The following PGM2 variants were observed in gnomAD, a reference collection of about 807,000 sequenced individuals.
PGM2 encodes the protein phosphopentomutase.
Under a neutral mutation model 74.6 loss-of-function variants are expected in PGM2, and 57 were observed. The observed-to-expected ratio is 0.76, with a 90% confidence interval of 0.62 to 0.95. The LOEUF is 0.95. PGM2 is among the 40% of genes least tolerant of loss of function. The probability of loss-of-function intolerance (pLI) is 0.00; values close to 1 mark genes in which losing one functional copy is unlikely to be tolerated. For synonymous variants in PGM2, 273 were observed against 260.7 expected (o/e 1.05, Z -0.46); for missense variants, 706 against 741.9 (o/e 0.95, Z 0.56).
At position 37,834,046 on chromosome 4, in the gene PGM2, G is replaced by C. The variant is rs150171585; in HGVS notation, c.250-572G>C. 6.3e-3 allele frequency among the ~76,000 whole-genome samples: 966 copies of C among 152,218 alleles called. 12 individuals carry two copies. Among genetic ancestry groups the C allele is most frequent in the African/African-American group, 0.022 (917 of 41,548 alleles). On this transcript the variant is annotated intron_variant, in intron 2 of 13. Transcript: ENST00000381967. ...CTTATTTTACCCATCTATAAAATGG[G>C]TTTTCTGGTCAGGTGCAGTGGCCCA... is the stretch of plus-strand genomic sequence containing the variant.
At chr4:37,834,253 T>C (rs779648650) in intron 2 of PGM2, among the ~76,000 whole-genome samples, 13 of 151,968 alleles carry the variant, frequency 8.6e-5, no homozygotes, top group Non-Finnish European at 1.6e-4. Flanking sequence ...GGGGGATTGC[T>C]TAAACCCAGG....
At chr4:37,830,598 T>C (rs1725414086) in intron 2 of PGM2, among the ~76,000 whole-genome samples, 1 of 152,226 alleles carries the variant, frequency 6.6e-6, no homozygotes, top group Admixed American at 6.5e-5. Context: ...TTTGTGAATA[T>C]TTTTGTCAGA....
At chr4:37,861,350 G>C (rs967177477) in intron 13 of PGM2, among the ~76,000 whole-genome samples, 160 bp from the exon 14 acceptor site, 3 of 152,136 alleles carry the variant, frequency 2.0e-5, no homozygotes, top group African/African-American at 7.2e-5. Flanking sequence ...TAAGTCAATA[G>C]ATGTGTTCCA....
At position 37,848,522 on chromosome 4, in the gene PGM2, G is replaced by A. The variant is rs572454326; in HGVS notation, c.1283G>A (p.Gly428Glu). Residue 428 changes from glycine to glutamate, a missense_variant and splice_region_variant, in exon 11 of 14, where the codon GGA (glycine) becomes GAA (glutamate). This residue lies in a region of PGM2 where 359 missense variants were observed against 371.1 expected (regional missense o/e 0.97). Transcript: ENST00000381967. Reference protein sequence around the residue: ...TVLFAFEEAIGYMCCPFVLDK... With the variant: ...TVLFAFEEAIEYMCCPFVLDK... ...GTATGTATGACGTGTGTTTCTGCAG[G>A]ATACATGTGCTGCCCTTTTGTTCTG... 1.9e-6 allele frequency: 3 copies of A among 1,612,668 alleles called. No homozygotes were observed. Among genetic ancestry groups the A allele is most frequent in the Middle Eastern group, 1.7e-4 (1 of 6,052 alleles).
At position 37,855,705 on chromosome 4, in the gene PGM2, A is replaced by G. The variant is rs764042040; in HGVS notation, c.1700A>G (p.Lys567Arg). ...MRTSGTEPKI[K>R]YYAELCAPPG... ...ACCAGTGGGACAGAGCCCAAAATCA[A>G]GTACTATGCAGAGCTGTGTGCCCCA... The change falls in exon 13 of 14, where the codon AAG becomes AGG. Residue 567 changes from lysine to arginine, a missense_variant. By Grantham distance (26) the Lys-to-Arg change is conservative. Coordinates refer to ENST00000381967, the MANE Select transcript of PGM2 (RefSeq NM_018290.4). 7 of 1,614,102 alleles carry G rather than the reference A, an allele frequency of 4.3e-6. No homozygotes were observed. The highest frequency in any genetic ancestry group is 5.9e-6 in the Non-Finnish European group (7 of 1,179,992).
chr4:37,855,534 A>C, intron 12 of PGM2, 74 bp from the exon 13 acceptor site: 1 of 1,312,118 alleles, frequency 7.6e-7, no homozygotes, highest in Non-Finnish European at 1.0e-6. Flanking sequence ...TTATTTTCTT[A>C]CTTATGCAAG....
In PGM2 at chr4:37,861,619, C is replaced by T. The variant is rs767603499; in HGVS notation, c.*7C>T. Reference sequence around the variant, plus strand: ...GCAGCCAAAAGCAGACTAAAATAGTCCAGCCTTGGGTATACTTGCATTTAC... The same window carrying T: ...GCAGCCAAAAGCAGACTAAAATAGTTCAGCCTTGGGTATACTTGCATTTAC... On this transcript the variant is annotated 3_prime_UTR_variant, in exon 14 of 14. Transcript: ENST00000381967. The T allele has an allele frequency of 6.3e-7, 1 of 1,584,084 alleles. No individual in the cohort carries two copies. The highest frequency in any genetic ancestry group is 1.1e-5 in the South Asian group (1 of 90,442).
At chr4:37,858,556 G>A (rs556352903) in intron 13 of PGM2, among the ~76,000 whole-genome samples, 3 of 150,720 alleles carry the variant, frequency 2.0e-5, no homozygotes, top group African/African-American at 7.3e-5. Context: ...CATCATGTCG[G>A]TCAGGCTGGG....
At chr4:37,830,152 C>T in intron 2 of PGM2, 21 bp downstream of exon 2, 1 of 1,466,614 alleles carries the variant, frequency 6.8e-7, no homozygotes, top group South Asian at 1.4e-5. Context: ...TTTTATAATT[C>T]TTAGTAACTC....
In PGM2 at chr4:37,856,193, G is replaced by T. The variant is rs551197852; in HGVS notation, c.1736+452G>T. Among the ~76,000 whole-genome samples, 7 of 152,048 alleles carry T rather than the reference G, an allele frequency of 4.6e-5. No homozygotes were observed. In the South Asian group the frequency reaches 1.5e-3, roughly 32 times the overall value. On this transcript the variant is annotated intron_variant, in intron 13 of 13. Transcript: ENST00000381967. ...GAGGTCAGGAGATTGAGACCATCCT[G>T]GCTAACACGGTGAAACCCCGTCTCT...
Position 37,859,446 on chromosome 4 carries a change from G to A in PGM2, c.1737-2064G>A, listed in dbSNP as rs1201044701. ...GCAGGGCAGGCTGTCCAGAAAGGGAGCCTGGAATTCTTGGGCATGGGTTAA... is the reference window on the plus strand; with the variant it reads ...GCAGGGCAGGCTGTCCAGAAAGGGAACCTGGAATTCTTGGGCATGGGTTAA... On this transcript the variant is annotated intron_variant, in intron 13 of 13. Coordinates refer to ENST00000381967, the MANE Select transcript of PGM2 (RefSeq NM_018290.4). Among the ~76,000 whole-genome samples the A allele has an allele frequency of 5.3e-5, 8 of 152,258 alleles. No individual in the cohort carries two copies. In the East Asian group the frequency reaches 1.5e-3, roughly 29 times the overall value.
Position 37,847,036 on chromosome 4 carries a change from C to T in PGM2, c.1113C>T (p.Asp371=), listed in dbSNP as rs1475544435. The T allele has an allele frequency of 2.5e-6, 4 of 1,613,508 alleles. No homozygotes were observed. Among genetic ancestry groups the T allele is most frequent in the East Asian group, 4.5e-5 (2 of 44,868 alleles). Residue 371 remains aspartate, a synonymous_variant, in exon 9 of 14, where the codon GAC becomes GAT. Coordinates refer to ENST00000381967, the MANE Select transcript of PGM2 (RefSeq NM_018290.4). Reference sequence around the variant, plus strand: ...ACCAGGATCGCAGTGCTCTCAAAGACACGTACATGTTGTCCAGCACCGTCT... The same window carrying T: ...ACCAGGATCGCAGTGCTCTCAAAGATACGTACATGTTGTCCAGCACCGTCT... ...EKNQDRSALK[D]TYMLSSTVSS... is the part of the protein sequence containing the mutation.
intron 12 of PGM2, among the ~76,000 whole-genome samples, chr4:37,853,734 A>G (rs1057103371): frequency 2.0e-5 from 3 of 152,166 alleles, no homozygotes; most frequent in African/African-American, 7.2e-5. Flanking sequence ...AAGGCCCTGG[A>G]GGCATGACTG....
intron 6 of PGM2, among the ~76,000 whole-genome samples, chr4:37,841,158 T>TGTGTG (rs1577676435): frequency 9.9e-6 from 1 of 101,454 alleles, no homozygotes; most frequent in Non-Finnish European, 1.8e-5. Context: ...ATAGGAATAT[T>TGTGTG]TGTGTGTGTG....
chr4:37,846,421 T>C (rs1355376213), intron 8 of PGM2, among the ~76,000 whole-genome samples: 1 of 152,196 alleles, frequency 6.6e-6, no homozygotes, highest in Non-Finnish European at 1.5e-5. Flanking sequence ...TGAGATTTAC[T>C]TCTAGCCATC....
rs1480055138 is a variant in PGM2, at chr4:37,862,102, A to G, written c.*490A>G. On this transcript the variant is annotated 3_prime_UTR_variant, in exon 14 of 14. Transcript: ENST00000381967. ...AATGAATAGATCAAATGTTGTGTTC[A>G]TGTTTGGGGAAAATATAATTTGCAG... 1 of 152,858 alleles carries G rather than the reference A, an allele frequency of 6.5e-6. No individual in the cohort carries two copies. Among genetic ancestry groups the G allele is most frequent in the Non-Finnish European group, 1.5e-5 (1 of 68,482 alleles). 9.5% of individuals were successfully genotyped at this position (152,858 alleles called of 1,614,324 possible).
At chr4:37,851,771 C>T (rs13114137) in intron 12 of PGM2, among the ~76,000 whole-genome samples, 80,784 of 151,790 alleles carry the variant, frequency 0.53, 22,158 homozygotes, top group Non-Finnish European at 0.61. Context: ...TTAGTTCTTA[C>T]GCTTTCTACA....
intron 11 of PGM2, among the ~76,000 whole-genome samples, chr4:37,849,833 C>T (rs1725987418): frequency 6.6e-6 from 1 of 152,050 alleles, no homozygotes; most frequent in Admixed American, 6.6e-5. Flanking sequence ...GTTGCCCAGG[C>T]TAGAGTGCAA....
intron 12 of PGM2, among the ~76,000 whole-genome samples, chr4:37,851,082 G>C (rs1332646524): frequency 1.3e-5 from 2 of 151,830 alleles, no homozygotes; most frequent in Admixed American, 6.6e-5. Context: ...TGTGGAACCT[G>C]TCTGTGGACA....
Sources: allele counts gnomAD v4.1 joint callset (sites outside exome capture counted in the v4.1 genomes callset), GRCh38; gene constraint gnomAD v4.1.1; regional missense constraint gnomAD v4.1.1; transcripts MANE v1.5; gene names NCBI Gene and HGNC (gene_info 2026-07-23, HGNC 2026-07-21).